The following CCDC146 variants were observed in gnomAD, a reference collection of about 807,000 sequenced individuals.
CCDC146 encodes the protein coiled-coil domain-containing protein 146.
Under a neutral mutation model 119.3 loss-of-function variants are expected in CCDC146, and 92 were observed. The ratio of observed to expected loss-of-function variants is 0.77; its 90% confidence interval spans 0.65 to 0.92. CCDC146 has a LOEUF of 0.92. Ranked by LOEUF, CCDC146 falls within the 40% of genes least tolerant of loss-of-function variation. CCDC146 has a pLI of 0.00. For synonymous variants in CCDC146, 372 were observed against 371.8 expected, an observed-to-expected ratio of 1.00 and a Z score of -0.01; for missense variants, 1,000 against 1,103.0, an observed-to-expected ratio of 0.91 and a Z score of 1.32.
intron 1 of CCDC146, among the ~76,000 whole-genome samples, chr7:77,142,838 A>G (rs113575846): frequency 6.6e-6 from 1 of 151,662 alleles, no homozygotes; most frequent in African/African-American, 2.4e-5. Context: ...GGTTGGTTCC[A>G]AGTCTTTGCT....
At chr7:77,233,371 C>G (rs183595749) in intron 2 of CCDC146, among the ~76,000 whole-genome samples, 1 of 152,136 alleles carries the variant, frequency 6.6e-6, no homozygotes, top group Non-Finnish European at 1.5e-5. Flanking sequence ...GGATTACAGA[C>G]GTGAGCCACA....
At chr7:77,175,073 G>A (rs1212062790) in intron 2 of CCDC146, among the ~76,000 whole-genome samples, 1 of 149,382 alleles carries the variant, frequency 6.7e-6, no homozygotes, top group Non-Finnish European at 1.5e-5. Flanking sequence ...CTATCTGTAT[G>A]TGCTTATGTA....
chr7:77,134,264 C>T (rs903374229), intron 1 of CCDC146, among the ~76,000 whole-genome samples: 16 of 151,798 alleles, frequency 1.1e-4, no homozygotes, highest in African/African-American at 3.6e-4. Flanking sequence ...AGTTGGAAAT[C>T]AACACTGCAA....
chr7:77,192,480 G>A (rs1253214572), intron 2 of CCDC146, among the ~76,000 whole-genome samples: 1 of 152,142 alleles, frequency 6.6e-6, no homozygotes, highest in African/African-American at 2.4e-5. Context: ...ATTCTATCTA[G>A]ACCAAGGAAA....
intron 2 of CCDC146, among the ~76,000 whole-genome samples, chr7:77,179,183 G>A (rs1178600013): frequency 6.6e-6 from 1 of 152,064 alleles, no homozygotes; most frequent in Non-Finnish European, 1.5e-5. Context: ...AAGCCAGACT[G>A]GGAAGTTAAG....
rs568600912 is a variant in CCDC146, at chr7:77,146,987, A to T, written c.-11-20671A>T. On this transcript the variant is annotated intron_variant, in intron 1 of 18. Transcript: ENST00000285871. Reference sequence around the variant, plus strand: ...GCTAGGTTGGGGAAGTTCTCCTGGAAAATATCCTGCAGAGTGTTTTCCAAC... The same window carrying T: ...GCTAGGTTGGGGAAGTTCTCCTGGATAATATCCTGCAGAGTGTTTTCCAAC... Among the ~76,000 whole-genome samples, 6 of 152,200 alleles carry T rather than the reference A, an allele frequency of 3.9e-5. No homozygotes were observed. In the East Asian group the frequency reaches 5.8e-4, roughly 15 times the overall value.
intron 1 of CCDC146, among the ~76,000 whole-genome samples, chr7:77,139,905 CT>C (rs1257158391): frequency 7.3e-4 from 105 of 142,970 alleles, no homozygotes; most frequent in Non-Finnish European, 8.1e-4. Context: ...ATTTCTTTTT[CT>C]TTTTTTTTTT....
intron 1 of CCDC146, among the ~76,000 whole-genome samples, chr7:77,153,420 A>ACTTTT (rs1208605479): frequency 7.7e-6 from 1 of 129,764 alleles, no homozygotes; most frequent in Non-Finnish European, 1.6e-5. Flanking sequence ...GGACAGTGGG[A>ACTTTT]CTTTTCTTTT....
In CCDC146 at chr7:77,294,655, C is replaced by A. The variant is rs1448487072; in HGVS notation, c.2665-8C>A. 5 of 1,613,584 alleles carry A rather than the reference C, an allele frequency of 3.1e-6. No homozygotes were observed. In the Admixed American group the frequency reaches 5.0e-5, roughly 16 times the overall value. ...AGAGAACTGAAAAGGAAAAATCATTCTTTGCAGGAGTTCTTGGAAGCAGAT... is the reference window on the plus strand; with the variant it reads ...AGAGAACTGAAAAGGAAAAATCATTATTTGCAGGAGTTCTTGGAAGCAGAT... On this transcript the variant is annotated splice_polypyrimidine_tract_variant and splice_region_variant and intron_variant, in intron 18 of 18. Transcript: ENST00000285871.
chr7:77,233,866 A>G (rs1170852109), intron 2 of CCDC146, among the ~76,000 whole-genome samples: 1 of 151,738 alleles, frequency 6.6e-6, no homozygotes, highest in African/African-American at 2.4e-5. Flanking sequence ...ACAATCATTT[A>G]CTTAAAATAA....
At chr7:77,182,159 T>C (rs1459265733) in intron 2 of CCDC146, among the ~76,000 whole-genome samples, 4 of 152,138 alleles carry the variant, frequency 2.6e-5, no homozygotes, top group African/African-American at 9.7e-5. Context: ...ATTAGGAAGA[T>C]AGGAATTTTG....
intron 15 of CCDC146, among the ~76,000 whole-genome samples, chr7:77,286,359 C>A (rs1463456885): frequency 6.6e-6 from 1 of 152,146 alleles, no homozygotes. Context: ...CATCCTGCCC[C>A]CATGACCCAA....
intron 9 of CCDC146, 101 bp downstream of exon 9, chr7:77,262,408 A>G: frequency 1.2e-6 from 1 of 864,810 alleles, no homozygotes. Flanking sequence ...AGAAGAAGAA[A>G]ATACAAGTAA....
intron 4 of CCDC146, among the ~76,000 whole-genome samples, chr7:77,251,092 G>A (rs1046576974): frequency 6.6e-6 from 1 of 150,666 alleles, no homozygotes; most frequent in East Asian, 2.0e-4. Context: ...CACAATCTCG[G>A]CTCACTGCAA....
At chr7:77,219,978 T>C (rs533021546) in intron 2 of CCDC146, among the ~76,000 whole-genome samples, 169 of 152,298 alleles carry the variant, frequency 1.1e-3, no homozygotes, top group South Asian at 2.3e-3. Flanking sequence ...TGAAGGTCCA[T>C]GTCCTGCTGG....
At chr7:77,143,717 G>T (rs762702420) in intron 1 of CCDC146, among the ~76,000 whole-genome samples, 6 of 151,722 alleles carry the variant, frequency 4.0e-5, no homozygotes, top group Non-Finnish European at 5.9e-5. Flanking sequence ...TCAAAGACTG[G>T]ATAGTTGTAG....
intron 2 of CCDC146, among the ~76,000 whole-genome samples, chr7:77,205,293 A>G (rs997364512): frequency 2.0e-5 from 3 of 152,190 alleles, no homozygotes; most frequent in Non-Finnish European, 4.4e-5. Flanking sequence ...ATTTTTGTTA[A>G]CCAATCAATA....
chr7:77,149,730 G>A (rs1249317760), intron 1 of CCDC146, among the ~76,000 whole-genome samples: 1 of 150,900 alleles, frequency 6.6e-6, no homozygotes, highest in East Asian at 1.9e-4. Flanking sequence ...TTGTGTCACT[G>A]CACTCCAGCC....
intron 1 of CCDC146, among the ~76,000 whole-genome samples, chr7:77,124,318 G>C (rs573272760): frequency 1.3e-5 from 2 of 152,294 alleles, no homozygotes; most frequent in East Asian, 3.9e-4. Flanking sequence ...AATAGTTAAA[G>C]TTATAGACAC....
Sources: gnomAD v4.1 joint callset for allele counts (sites outside exome capture counted in the v4.1 genomes callset) on GRCh38, gnomAD v4.1.1 for gene constraint, MANE v1.5 for transcripts, NCBI Gene and HGNC (gene_info 2026-07-23, HGNC 2026-07-21) for gene names.